The following FNIP1 variants were observed in gnomAD, a reference collection of about 807,000 sequenced individuals.
FNIP1 encodes the protein folliculin interacting protein 1, also known as folliculin-interacting protein 1.
In FNIP1, 40 loss-of-function variants were observed where a neutral mutation model predicts 124.5. That is an observed-to-expected ratio of 0.32 (90% CI 0.25 to 0.42). The LOEUF (loss-of-function observed/expected upper bound fraction) is 0.42. Ranked by LOEUF, FNIP1 falls within the 10% of genes least tolerant of loss-of-function variation. The pLI, the probability that FNIP1 is intolerant of heterozygous loss-of-function variation, is 1.00. For missense variants in FNIP1, 1,176 were observed against 1,403.7 expected (o/e 0.84, Z 2.59); for synonymous variants, 472 against 470.6 (o/e 1.00, Z -0.04).
intron 2 of FNIP1, among the ~76,000 whole-genome samples, chr5:131,733,649 T>C (rs1770182042): frequency 6.6e-6 from 1 of 152,252 alleles, no homozygotes; most frequent in Non-Finnish European, 1.5e-5. Flanking sequence ...TTGCGTATGT[T>C]AAACCAGCCT....
At chr5:131,730,034 C>G (rs1473701756) in intron 3 of FNIP1, among the ~76,000 whole-genome samples, 1 of 152,174 alleles carries the variant, frequency 6.6e-6, no homozygotes, top group Non-Finnish European at 1.5e-5. Context: ...AGCCACCATG[C>G]CCGGCCCACA....
In FNIP1 at chr5:131,651,995, G is replaced by A. The variant is rs768703734; in HGVS notation, c.3113C>T (p.Pro1038Leu). Residue 1038 changes from proline to leucine, a missense_variant, in exon 16 of 18, where the codon CCA becomes CTA. By Grantham distance (98) the Pro-to-Leu change is moderately conservative. Around this residue, in one of 2 missense-constraint regions of FNIP1, gnomAD observed 1,109 missense variants for 1,288.5 expected, o/e 0.86. Transcript: ENST00000510461. ...TTCTGCTATTGGTTCATCCAAAACT[G>A]GATGCTGGAAATAAAAGAATAATTC... ...MSDLSHAVQH[P>L]VLDEPIAEAV... The A allele has an allele frequency of 4.1e-5, 66 of 1,608,610 alleles. No individual in the cohort carries two copies. The highest frequency in any genetic ancestry group is 8.5e-7 in the Non-Finnish European group (1 of 1,177,760).
chr5:131,758,717 T>C (rs1771129119), intron 1 of FNIP1, among the ~76,000 whole-genome samples: 1 of 152,082 alleles, frequency 6.6e-6, no homozygotes, highest in Non-Finnish European at 1.5e-5. Context: ...TAATAGAAAA[T>C]AAACATGCTG....
intron 6 of FNIP1, among the ~76,000 whole-genome samples, chr5:131,712,819 CT>C (rs887236786): frequency 6.6e-6 from 1 of 152,194 alleles, no homozygotes; most frequent in Non-Finnish European, 1.5e-5. Context: ...AGAACGACTG[CT>C]TGCATCTTGG....
intron 1 of FNIP1, among the ~76,000 whole-genome samples, chr5:131,786,129 T>A (rs1028175403): frequency 8.5e-5 from 13 of 152,214 alleles, no homozygotes; most frequent in African/African-American, 3.1e-4. Flanking sequence ...ATTGAATGAA[T>A]AACTTTAGGC....
chr5:131,661,808 CCT>C (rs1172441245), intron 15 of FNIP1, among the ~76,000 whole-genome samples: 3 of 151,804 alleles, frequency 2.0e-5, no homozygotes, highest in Non-Finnish European at 4.4e-5. Context: ...AGGCTTCTGG[CCT>C]CTCTCTCTCT....
rs973339842 is a variant in FNIP1, at chr5:131,672,491, A to G, written c.1953T>C (p.Ser651=). ...LGISDECQMI[S]PSDCQEENAV... ...CATTTTCTTCTTGGCAGTCAGAAGGAGAAATCATCTGGCACTCATCTGAAA... is the reference window on the plus strand; with the variant it reads ...CATTTTCTTCTTGGCAGTCAGAAGGGGAAATCATCTGGCACTCATCTGAAA... Residue 651 remains serine (S), a synonymous_variant, in exon 14 of 18, where the codon TCT becomes TCC. Transcript: ENST00000510461. The G allele has an allele frequency of 3.1e-6, 5 of 1,613,498 alleles. No individual in the cohort carries two copies. In the African/African-American group the frequency reaches 5.3e-5, roughly 17 times the overall value.
intron 15 of FNIP1, among the ~76,000 whole-genome samples, chr5:131,667,789 T>C (rs1368640153): frequency 6.6e-6 from 1 of 152,180 alleles, no homozygotes; most frequent in African/African-American, 2.4e-5. Flanking sequence ...GGTTTCACCA[T>C]GTTGGCCAGG....
chr5:131,776,481 C>T (rs950090901), intron 1 of FNIP1, among the ~76,000 whole-genome samples: 28 of 152,266 alleles, frequency 1.8e-4, no homozygotes, highest in Middle Eastern at 3.4e-3. Flanking sequence ...GGAAATAACC[C>T]TTTGACTGAA....
chr5:131,742,175 GTAAA>G (rs1385532450), intron 2 of FNIP1, among the ~76,000 whole-genome samples: 2 of 152,228 alleles, frequency 1.3e-5, no homozygotes, highest in East Asian at 3.9e-4. Flanking sequence ...AAAAGTTTTG[GTAAA>G]TAGGCCAGGC....
At position 131,698,993 on chromosome 5, in the gene FNIP1, T is replaced by C; in HGVS notation, c.1126A>G (p.Met376Val). ...LKSAIEQAMKMSRRSADASQR... is the reference protein window; with the variant it reads ...LKSAIEQAMKVSRRSADASQR... ...CTGGCATCAGCTGATCTCCGGCTCA[T>C]TTTCATAGCCTTGAAAACAATCATT... Residue 376 changes from methionine to valine, a missense_variant, in exon 11 of 18, where the codon ATG (methionine) becomes GTG (valine). Physicochemically the swap from Met to Val is conservative, Grantham distance 21. Around this residue, in one of 2 missense-constraint regions of FNIP1, gnomAD observed 1,109 missense variants for 1,288.5 expected, o/e 0.86. Coordinates refer to ENST00000510461, the MANE Select transcript of FNIP1 (RefSeq NM_133372.3). 1.2e-6 allele frequency: 2 copies of C among 1,609,208 alleles called. No individual in the cohort carries two copies. The highest frequency in any genetic ancestry group is 1.7e-6 in the Non-Finnish European group (2 of 1,178,560).
At chr5:131,783,489 G>A (rs144836945) in intron 1 of FNIP1, among the ~76,000 whole-genome samples, 61 of 151,100 alleles carry the variant, frequency 4.0e-4, no homozygotes, top group African/African-American at 1.4e-3. Context: ...AGATCAATAC[G>A]GGAGACTGTC....
intron 11 of FNIP1, among the ~76,000 whole-genome samples, chr5:131,691,231 A>C (rs752210114): frequency 1.3e-5 from 2 of 152,360 alleles, no homozygotes; most frequent in Admixed American, 1.3e-4. Context: ...GAGATTGAAA[A>C]CATGCATCTA....
chr5:131,682,347 A>T lies in FNIP1; in HGVS notation c.1203-3172T>A, dbSNP rs149482424. ...ATGCTATGGCCTCAGAGTGTTATCAAGTATAAAGAAGGCAAAGAAATTAAT... is the reference window on the plus strand; with the variant it reads ...ATGCTATGGCCTCAGAGTGTTATCATGTATAAAGAAGGCAAAGAAATTAAT... On this transcript the variant is annotated intron_variant, in intron 11 of 17. Coordinates refer to ENST00000510461, the MANE Select transcript of FNIP1 (RefSeq NM_133372.3). Among the ~76,000 whole-genome samples, 394 of 152,330 alleles carry T rather than the reference A, an allele frequency of 2.6e-3. 1 individual carries two copies. Among genetic ancestry groups the T allele is most frequent in the Admixed American group, 5.0e-3 (76 of 15,298 alleles).
In FNIP1 at chr5:131,688,375, C is replaced by T. The variant is rs115464488; in HGVS notation, c.1203-9200G>A. Among the ~76,000 whole-genome samples, 711 of 151,466 alleles carry T rather than the reference C, an allele frequency of 4.7e-3. 8 individuals carry two copies. Among genetic ancestry groups the T allele is most frequent in the African/African-American group, 0.016 (676 of 41,370 alleles). On this transcript the variant is annotated intron_variant, in intron 11 of 17. Coordinates refer to ENST00000510461, the MANE Select transcript of FNIP1 (RefSeq NM_133372.3). ...CAGCAAACATTAAACACATCTAAGG[C>T]TCCTAGCTAGGTTAATATAAAACTT...
intron 1 of FNIP1, among the ~76,000 whole-genome samples, chr5:131,772,685 ACTT>A (rs1771679920): frequency 6.6e-6 from 1 of 151,996 alleles, no homozygotes; most frequent in Non-Finnish European, 1.5e-5. Context: ...TGAGGCCACA[ACTT>A]CTTCTCCTTC....
At chr5:131,676,757 T>TA (rs1319872380) in intron 13 of FNIP1, among the ~76,000 whole-genome samples, 3 of 152,074 alleles carry the variant, frequency 2.0e-5, no homozygotes, top group East Asian at 1.9e-4. Context: ...GAGACTTCAT[T>TA]AAAAAAATGC....
At chr5:131,719,256 C>T in intron 4 of FNIP1, 61 bp downstream of exon 4, 1 of 1,489,510 alleles carries the variant, frequency 6.7e-7, no homozygotes, top group South Asian at 1.2e-5. Flanking sequence ...AAAATTCTCT[C>T]TAAAAAAACG....
At chr5:131,714,364 C>T (rs1197601098) in intron 6 of FNIP1, among the ~76,000 whole-genome samples, 1 of 152,164 alleles carries the variant, frequency 6.6e-6, no homozygotes, top group African/African-American at 2.4e-5. Flanking sequence ...TTTTCCTTTA[C>T]ATAGTCATTT....
Sources: allele counts gnomAD v4.1 joint callset (sites outside exome capture counted in the v4.1 genomes callset), GRCh38; gene constraint gnomAD v4.1.1; regional missense constraint gnomAD v4.1.1; transcripts MANE v1.5; gene names NCBI Gene and HGNC (gene_info 2026-07-23, HGNC 2026-07-21).